Variants in TDRD1 observed in about 807,000 individuals in gnomAD.
The protein encoded by TDRD1 is tudor domain-containing protein 1.
TDRD1 carries 37 observed loss-of-function variants against 140.6 expected under a neutral mutation model. That is an observed-to-expected ratio of 0.26 (90% CI 0.20 to 0.35). The LOEUF is 0.35. TDRD1 is among the 10% of genes least tolerant of loss of function. TDRD1 has a pLI of 1.00. For synonymous variants in TDRD1, 506 were observed against 475.7 expected (o/e 1.06, Z -0.83); for missense variants, 1,243 against 1,393.0 (o/e 0.89, Z 1.71).
Position 114,203,941 on chromosome 10 carries a change from G to A in TDRD1, c.982-132G>A, listed in dbSNP as rs565409935. 1.6e-3 allele frequency: 1,737 copies of A among 1,052,760 alleles called. 5 individuals are homozygous for A. The highest frequency in any genetic ancestry group is 2.1e-3 in the Non-Finnish European group (1,510 of 729,970). The allele number at this position is 1,052,760 out of a possible 1,614,324, so 65.2% of individuals were successfully genotyped here. A position where few individuals can be genotyped will look rare whatever the true frequency, so the allele number is the denominator to read the frequency against. ...CTTAGCAAGATTCTTAAAAAATTAA[G>A]TTGGCTTATTAATTGAGTGCCTCAG... On this transcript the variant is annotated intron_variant, in intron 8 of 25. Transcript: ENST00000251864.
chr10:114,222,980 G>A (rs1045366529), intron 21 of TDRD1, among the ~76,000 whole-genome samples: 2 of 152,174 alleles, frequency 1.3e-5, no homozygotes, highest in Non-Finnish European at 2.9e-5. Context: ...TAGTGGATCA[G>A]TCACATTACA....
intron 6 of TDRD1, 105 bp from the exon 7 acceptor site, chr10:114,202,967 C>T: frequency 1.3e-6 from 1 of 757,038 alleles, no homozygotes; most frequent in South Asian, 1.5e-5. Context: ...TTGTTCAAGC[C>T]TAAGAGTTAG....
chr10:114,222,039 G>A (rs2036175673), intron 20 of TDRD1, among the ~76,000 whole-genome samples: 1 of 152,098 alleles, frequency 6.6e-6, no homozygotes, highest in Non-Finnish European at 1.5e-5. Context: ...TAATTTGCAG[G>A]CACTTTTAAA....
At chr10:114,221,498 CAT>C (rs763795736) in intron 20 of TDRD1, 22 bp downstream of exon 20, 2 of 1,604,460 alleles carry the variant, frequency 1.2e-6, no homozygotes, top group African/African-American at 2.7e-5. Context: ...AAATTTGAGA[CAT>C]ATTTATGCTC....
intron 3 of TDRD1, among the ~76,000 whole-genome samples, chr10:114,191,384 T>C (rs1185571643): frequency 6.6e-6 from 1 of 152,212 alleles, no homozygotes; most frequent in Non-Finnish European, 1.5e-5. Flanking sequence ...CACTTTTCCT[T>C]CTGCCCCTGC....
chr10:114,206,738 G>A (rs1027510725), intron 11 of TDRD1, among the ~76,000 whole-genome samples: 3 of 150,768 alleles, frequency 2.0e-5, no homozygotes, highest in Admixed American at 6.7e-5. Flanking sequence ...CTCAGCCTCC[G>A]GAGGAGCTGG....
chr10:114,218,721 TA>T, intron 18 of TDRD1, 137 bp downstream of exon 18: 2 of 650,356 alleles, frequency 3.1e-6, no homozygotes, highest in Non-Finnish European at 4.7e-6. Flanking sequence ...AAATTTTACT[TA>T]CAATATTGAC....
exon 13 of TDRD1, chr10:114,210,896 A>G: frequency 6.2e-7 from 1 of 1,614,194 alleles, no homozygotes; most frequent in Non-Finnish European, 8.5e-7. Flanking sequence ...CTTAGCAAGT[A>G]CTGTGATCAG....
intron 2 of TDRD1, among the ~76,000 whole-genome samples, chr10:114,188,518 A>G (rs1481376651): frequency 6.6e-6 from 1 of 152,194 alleles, no homozygotes; most frequent in Non-Finnish European, 1.5e-5. Context: ...TAAGATTTTA[A>G]CTGGTTTCAC....
chr10:114,187,607 T>G (rs1401164400), intron 1 of TDRD1, among the ~76,000 whole-genome samples: 1 of 152,170 alleles, frequency 6.6e-6, no homozygotes. Flanking sequence ...TTTTCATGAG[T>G]TGGTCTGTTG....
At chr10:114,183,377 A>C (rs552555532) in intron 1 of TDRD1, among the ~76,000 whole-genome samples, 2 of 152,222 alleles carry the variant, frequency 1.3e-5, no homozygotes, top group African/African-American at 2.4e-5. Flanking sequence ...TTACTATTAG[A>C]TGATACTTCA....
exon 17 of TDRD1, chr10:114,217,625 A>C: frequency 6.2e-7 from 1 of 1,605,212 alleles, no homozygotes; most frequent in Non-Finnish European, 8.5e-7. Flanking sequence ...CAAGGCAGAG[A>C]TAGGACAACC....
At chr10:114,211,789 C>T in intron 13 of TDRD1, 77 bp from the exon 14 acceptor site, 3 of 1,361,562 alleles carry the variant, frequency 2.2e-6, no homozygotes, top group Non-Finnish European at 1.9e-6. Context: ...ATGACCATCT[C>T]TAAGTTGAGG....
At chr10:114,223,735 CTT>C (rs138613887) in intron 21 of TDRD1, among the ~76,000 whole-genome samples, 9,054 of 152,270 alleles carry the variant, frequency 0.059, 306 homozygotes, top group African/African-American at 0.072. Context: ...ATTACCTTCT[CTT>C]TTGCCACTTT....
intron 2 of TDRD1, among the ~76,000 whole-genome samples, chr10:114,189,556 CTT>C (rs1470913462): frequency 6.6e-6 from 1 of 152,142 alleles, no homozygotes; most frequent in African/African-American, 2.4e-5. Flanking sequence ...CCAAGACAGA[CTT>C]TTCTGGTGAG....
chr10:114,217,532 T>C lies in TDRD1; in HGVS notation c.2213-13T>C, dbSNP rs903457251. ...ATATGTTCTTAATTTTTTAATCCTA[T>C]GTGTATTTTCAGCTTTAAAGAAACT... is the stretch of plus-strand genomic sequence containing the variant. On this transcript the variant is annotated splice_polypyrimidine_tract_variant and intron_variant, in intron 16 of 25. Coordinates refer to ENST00000251864, the Ensembl canonical transcript of TDRD1. 32 of 1,357,714 alleles carry C rather than the reference T, an allele frequency of 2.4e-5. No individual in the cohort carries two copies. The highest frequency in any genetic ancestry group is 2.9e-5 in the Non-Finnish European group (28 of 972,982). The allele number at this position is 1,357,714 out of a possible 1,614,324, so 84.1% of individuals were successfully genotyped here. A position where few individuals can be genotyped will look rare whatever the true frequency, so the allele number is the denominator to read the frequency against.
chr10:114,191,734 C>A (rs1223672839), intron 3 of TDRD1, among the ~76,000 whole-genome samples: 1 of 152,132 alleles, frequency 6.6e-6, no homozygotes, highest in Non-Finnish European at 1.5e-5. Flanking sequence ...GGATAGATGT[C>A]CAGGGTACAA....
chr10:114,178,314 G>T (rs1339441733), upstream of TDRD1, among the ~76,000 whole-genome samples: 1 of 152,202 alleles, frequency 6.6e-6, no homozygotes, highest in East Asian at 1.9e-4. Context: ...GAGAATTTCT[G>T]TTAAACTACT....
rs1589683820 is a variant in TDRD1 at position 114,203,925 on chromosome 10, A to G, written c.982-148A>G. 24 of 925,760 alleles carry G rather than the reference A, an allele frequency of 2.6e-5. No homozygotes were observed. In the East Asian group the frequency reaches 6.5e-4, roughly 25 times the overall value. 57.3% of individuals were successfully genotyped at this position (925,760 alleles called of 1,614,324 possible). A position where few individuals can be genotyped will look rare whatever the true frequency, so the allele number is the denominator to read the frequency against. The stretch of plus-strand genomic sequence containing the variant: ...ACAATTTTAGGGATTTCTTAGCAAG[A>G]TTCTTAAAAAATTAAGTTGGCTTAT... On this transcript the variant is annotated intron_variant, in intron 8 of 25. Transcript: ENST00000251864.
Sources: gnomAD v4.1 joint callset for allele counts (sites outside exome capture counted in the v4.1 genomes callset) on GRCh38, gnomAD v4.1.1 for gene constraint, MANE v1.5 for transcripts, NCBI Gene and HGNC (gene_info 2026-07-23, HGNC 2026-07-21) for gene names.